PTPRK: variants seen among roughly 807,000 people sequenced by gnomAD.
The protein encoded by PTPRK is protein tyrosine phosphatase receptor type K.
PTPRK carries 75 observed loss-of-function variants against 178.0 expected under a neutral mutation model. That is an observed-to-expected ratio of 0.42 (90% CI 0.35 to 0.51). The LOEUF (loss-of-function observed/expected upper bound fraction) is 0.51, where lower values mean the gene tolerates loss of function less well. Ranked by LOEUF, PTPRK falls within the 20% of genes least tolerant of loss-of-function variation. The probability of loss-of-function intolerance (pLI) is 0.02; values close to 1 mark genes in which losing one functional copy is unlikely to be tolerated. For missense variants in PTPRK, 1,441 were observed against 1,797.8 expected, an observed-to-expected ratio of 0.80 and a Z score of 3.59; for synonymous variants, 637 against 620.6, an observed-to-expected ratio of 1.03 and a Z score of -0.39.
intron 7 of PTPRK, among the ~76,000 whole-genome samples, chr6:128,177,132 C>G (rs1212340759): frequency 6.6e-6 from 1 of 151,786 alleles, no homozygotes; most frequent in Non-Finnish European, 1.5e-5. Flanking sequence ...AAGTCTCAAA[C>G]TCACAGGCTA....
At chr6:128,035,502 G>C (rs984674609) in intron 13 of PTPRK, among the ~76,000 whole-genome samples, 1 of 152,226 alleles carries the variant, frequency 6.6e-6, no homozygotes, top group East Asian at 1.9e-4. Flanking sequence ...GGCAAGTTGG[G>C]ATTTCACCTT....
intron 11 of PTPRK, among the ~76,000 whole-genome samples, chr6:128,069,883 G>A (rs928998073): frequency 5.1e-4 from 77 of 152,162 alleles, no homozygotes; most frequent in African/African-American, 1.8e-3. Context: ...GAAGAGTAAA[G>A]GAAGAAAAGG....
In PTPRK at chr6:128,152,869, G is replaced by C. The variant is rs563908332; in HGVS notation, c.1162+31563C>G. On this transcript the variant is annotated intron_variant, in intron 7 of 29. Transcript: ENST00000368226. ...CACAAAGGGGGAGCAACTTGCGGAAGAAGAGTGACAGAATTATCAGGGGAC... is the reference window on the plus strand; with the variant it reads ...CACAAAGGGGGAGCAACTTGCGGAACAAGAGTGACAGAATTATCAGGGGAC... Among the ~76,000 whole-genome samples, 15 of 152,108 alleles carry C rather than the reference G, an allele frequency of 9.9e-5. No homozygotes were observed. In the South Asian group the frequency reaches 2.1e-3, roughly 21 times the overall value.
chr6:128,149,116 C>T (rs914762090), intron 7 of PTPRK, among the ~76,000 whole-genome samples: 5 of 130,432 alleles, frequency 3.8e-5, no homozygotes, highest in African/African-American at 5.9e-5. Context: ...AAAATCTTTA[C>T]GGAAATACTT....
chr6:128,354,426 G>A (rs370988212), intron 2 of PTPRK, among the ~76,000 whole-genome samples: 6 of 151,264 alleles, frequency 4.0e-5, no homozygotes, highest in Admixed American at 1.3e-4. Flanking sequence ...TAGTAGAGAC[G>A]GGGTTTCACC....
chr6:128,379,357 T>C (rs1384478803), intron 2 of PTPRK, among the ~76,000 whole-genome samples: 1 of 152,168 alleles, frequency 6.6e-6, no homozygotes, highest in Non-Finnish European at 1.5e-5. Context: ...CATGGAATAA[T>C]TAAAGATCCA....
intron 7 of PTPRK, among the ~76,000 whole-genome samples, chr6:128,103,263 C>A (rs1029794920): frequency 6.6e-6 from 1 of 152,128 alleles, no homozygotes; most frequent in Admixed American, 6.5e-5. Context: ...GGTCCCCATA[C>A]ATCCCGCTGA....
chr6:128,409,233 C>A, intron 1 of PTPRK: 2 of 422,810 alleles, frequency 4.7e-6, no homozygotes, highest in South Asian at 1.8e-5. Flanking sequence ...CAACAATAAA[C>A]TTATCTAAAA....
In PTPRK at chr6:128,154,316, A is replaced by C. The variant is rs138729828; in HGVS notation, c.1162+30116T>G. On this transcript the variant is annotated intron_variant, in intron 7 of 29. Coordinates refer to ENST00000368226, the MANE Select transcript of PTPRK (RefSeq NM_002844.4). ...CTGAAGCATATAGCATCAGAATGGC[A>C]ATAGCAAAAAAATTAGGAAAAAAAT... Among the ~76,000 whole-genome samples the C allele has an allele frequency of 3.4e-3, 510 of 151,962 alleles. 5 individuals are homozygous for C. Among genetic ancestry groups the C allele is most frequent in the African/African-American group, 0.011 (469 of 41,540 alleles).
chr6:128,442,537 T>C (rs897404244), intron 1 of PTPRK, among the ~76,000 whole-genome samples: 66 of 152,318 alleles, frequency 4.3e-4, no homozygotes, highest in Non-Finnish European at 7.9e-4. Context: ...CCCTCCTATA[T>C]AGGAAACTGG....
Position 128,178,891 on chromosome 6 carries a change from T to C in PTPRK, c.1162+5541A>G, listed in dbSNP as rs959667464. Among the ~76,000 whole-genome samples, 6 of 152,018 alleles carry C rather than the reference T, an allele frequency of 3.9e-5. No homozygotes were observed. The South Asian group carries it at 1.2e-3, about 32-fold the overall frequency. ...AATAACAGAGCAAGATTAGTAGACA[T>C]TCCTGATGAAATAGTAACCATGGTT... On this transcript the variant is annotated intron_variant, in intron 7 of 29. Coordinates refer to ENST00000368226, the MANE Select transcript of PTPRK (RefSeq NM_002844.4).
intron 3 of PTPRK, among the ~76,000 whole-genome samples, chr6:128,289,417 C>A (rs1005075205): frequency 6.6e-6 from 1 of 152,104 alleles, no homozygotes; most frequent in Admixed American, 6.6e-5. Context: ...AATCTAAGTA[C>A]AGTCTTAGTT....
chr6:128,443,712 G>A (rs563626345), intron 1 of PTPRK, among the ~76,000 whole-genome samples: 1 of 152,314 alleles, frequency 6.6e-6, no homozygotes, highest in Admixed American at 6.5e-5. Flanking sequence ...AAAGCCAGCA[G>A]GGAAGGTTGG....
intron 1 of PTPRK, among the ~76,000 whole-genome samples, chr6:128,481,913 T>C (rs928303285): frequency 6.6e-6 from 1 of 152,054 alleles, no homozygotes; most frequent in Non-Finnish European, 1.5e-5. Context: ...GCTAACTAAA[T>C]GAAGGGGGGT....
chr6:128,238,339 A>G (rs1004559922), intron 5 of PTPRK, among the ~76,000 whole-genome samples: 2 of 151,650 alleles, frequency 1.3e-5, no homozygotes, highest in Admixed American at 1.3e-4. Context: ...CTATCTACAA[A>G]ATAGAAAGCA....
intron 7 of PTPRK, among the ~76,000 whole-genome samples, chr6:128,180,714 G>A (rs1801773803): frequency 6.6e-6 from 1 of 152,102 alleles, no homozygotes; most frequent in Admixed American, 6.6e-5. Context: ...GGAGAGTTAA[G>A]CACTAATCAA....
At chr6:128,441,944 T>C (rs1281680036) in intron 1 of PTPRK, among the ~76,000 whole-genome samples, 2 of 152,140 alleles carry the variant, frequency 1.3e-5, no homozygotes, top group East Asian at 3.9e-4. Flanking sequence ...AAGCCCAACA[T>C]GTAAATAACA....
intron 1 of PTPRK, among the ~76,000 whole-genome samples, chr6:128,487,563 C>T (rs1853132530): frequency 6.6e-6 from 1 of 152,054 alleles, no homozygotes; most frequent in African/African-American, 2.4e-5. Flanking sequence ...GAGCCTCATT[C>T]CAGGGCGGGT....
At chr6:128,504,162 AAG>A (rs1855971555) in intron 1 of PTPRK, among the ~76,000 whole-genome samples, 1 of 152,122 alleles carries the variant, frequency 6.6e-6, no homozygotes, top group Admixed American at 6.6e-5. Context: ...CAAGAACAAT[AAG>A]AGTCTTGACC....
Sources: gnomAD v4.1 joint callset for allele counts (sites outside exome capture counted in the v4.1 genomes callset) on GRCh38, gnomAD v4.1.1 for gene constraint, MANE v1.5 for transcripts, NCBI Gene and HGNC (gene_info 2026-07-23, HGNC 2026-07-21) for gene names.